ZNF600: variants seen among roughly 807,000 people sequenced by gnomAD.
ZNF600 encodes zinc finger protein 600, also known as zinc finger protein KR-ZNF1.
Under a neutral mutation model 7.3 loss-of-function variants are expected in ZNF600, and 4 were observed. That is an observed-to-expected ratio of 0.55 (90% CI 0.27 to 1.25). The LOEUF is 1.25. Ranked by LOEUF, ZNF600 falls within the 50% of genes most tolerant of loss-of-function variation. The pLI is 0.12. For synonymous variants in ZNF600, 290 were observed against 308.9 expected (o/e 0.94, Z 0.64); for missense variants, 911 against 922.1 (o/e 0.99, Z 0.16).
chr19:52,800,988 A>G, the ZNF600 span: 1 of 1,614,164 alleles, frequency 6.2e-7, no homozygotes, highest in East Asian at 2.2e-5. Flanking sequence ...GTGAAGGAAG[A>G]GGGATGTATT....
intron 3 of ZNF600, among the ~76,000 whole-genome samples, chr19:52,772,559 T>C: frequency 6.6e-6 from 1 of 152,098 alleles, no homozygotes; most frequent in East Asian, 1.9e-4. Flanking sequence ...ACTGAGATTG[T>C]GCCATTGCAC....
chr19:52,804,449 C>A, the ZNF600 span, among the ~76,000 whole-genome samples: 1 of 152,148 alleles, frequency 6.6e-6, no homozygotes, highest in South Asian at 2.1e-4. Context: ...TGGCGCACTG[C>A]AACCTCCACC....
At chr19:52,795,202 G>A in the ZNF600 span, among the ~76,000 whole-genome samples, 3 of 152,052 alleles carry the variant, frequency 2.0e-5, no homozygotes, top group African/African-American at 7.2e-5. Context: ...AAAGCTCACA[G>A]CTCACTATTT....
At chr19:52,814,517 C>T in the ZNF600 span, 4 of 146,024 alleles carry the variant, frequency 2.7e-5, no homozygotes, top group African/African-American at 1.1e-4. Context: ...TCACTTGAAC[C>T]TGGGAGGCAG....
chr19:52,780,809 T>C lies in ZNF600; in HGVS notation c.-19-1902A>G, dbSNP rs1421666288. Reference sequence around the variant, plus strand: ...ACGTATACATCTAAGTTTCTCTTTATATTATAAATTACAACACTTACAAAT... The same window carrying C: ...ACGTATACATCTAAGTTTCTCTTTACATTATAAATTACAACACTTACAAAT... On this transcript the variant is annotated intron_variant, in intron 1 of 3. The change creates a new upstream start codon in the 5' untranslated region. Transcript: ENST00000648973. 2 of 152,236 alleles carry C rather than the reference T, an allele frequency of 1.3e-5. No individual in the cohort carries two copies. The highest frequency in any genetic ancestry group is 2.9e-5 in the Non-Finnish European group (2 of 68,044). 9.4% of individuals were successfully genotyped at this position (152,236 alleles called of 1,614,324 possible). A position where few individuals can be genotyped will look rare whatever the true frequency, so the allele number is the denominator to read the frequency against.
At chr19:52,792,971 C>T in the ZNF600 span, among the ~76,000 whole-genome samples, 1 of 151,744 alleles carries the variant, frequency 6.6e-6, no homozygotes, top group Non-Finnish European at 1.5e-5. Flanking sequence ...CTCCTGACCT[C>T]GTGATCCACC....
chr19:52,786,588 C>T lies in ZNF600; in HGVS notation c.-20+7G>A, dbSNP rs1454126792. Reference sequence around the variant, plus strand: ...AACCCAAAAGCAAGCAACTTCCAGACTCTTACCGGGACGTCTCAATTTGCT... The same window carrying T: ...AACCCAAAAGCAAGCAACTTCCAGATTCTTACCGGGACGTCTCAATTTGCT... On this transcript the variant is annotated splice_region_variant and intron_variant, in intron 1 of 3. Coordinates refer to ENST00000648973, the Ensembl canonical transcript of ZNF600. 5.7e-6 allele frequency: 1 copy of T among 176,128 alleles called. No homozygotes were observed. The highest frequency in any genetic ancestry group is 2.3e-5 in the African/African-American group (1 of 42,878). 10.9% of individuals were successfully genotyped at this position (176,128 alleles called of 1,614,324 possible).
intron 1 of ZNF600, among the ~76,000 whole-genome samples, chr19:52,785,317 G>C (rs1163280934): frequency 6.6e-6 from 1 of 150,846 alleles, no homozygotes; most frequent in East Asian, 2.0e-4. Context: ...GTGCGATCTT[G>C]GCTCTCACCG....
chr19:52,776,485 C>G (rs1210711616), intron 2 of ZNF600, among the ~76,000 whole-genome samples: 1 of 151,642 alleles, frequency 6.6e-6, no homozygotes, highest in Non-Finnish European at 1.5e-5. Flanking sequence ...AATCTCAGCT[C>G]ACTGCAACCT....
the ZNF600 span, among the ~76,000 whole-genome samples, chr19:52,822,766 A>C: frequency 6.6e-6 from 1 of 152,148 alleles, no homozygotes; most frequent in Non-Finnish European, 1.5e-5. Context: ...CGTCTTTTTG[A>C]CAAGTGTGAG....
upstream of ZNF600, among the ~76,000 whole-genome samples, chr19:52,787,588 C>G (rs185690927): frequency 2.4e-4 from 37 of 151,160 alleles, no homozygotes; most frequent in East Asian, 2.0e-3. Flanking sequence ...ACCGGGCGCG[C>G]TGGCTCACAC....
chr19:52,785,484 G>A (rs1205149885), intron 1 of ZNF600, among the ~76,000 whole-genome samples: 2 of 151,654 alleles, frequency 1.3e-5, no homozygotes, highest in Non-Finnish European at 2.9e-5. Context: ...CCGGACCTCA[G>A]GTGATCCACC....
chr19:52,781,702 G>A (rs1348621105), intron 1 of ZNF600, among the ~76,000 whole-genome samples: 1 of 151,872 alleles, frequency 6.6e-6, no homozygotes, highest in African/African-American at 2.4e-5. Context: ...GGCAGAGGTT[G>A]CAGTGATCCA....
exon 2 of ZNF600, chr19:52,778,846 G>C: frequency 1.2e-6 from 2 of 1,607,126 alleles, no homozygotes; most frequent in Non-Finnish European, 1.7e-6. Flanking sequence ...GCCATGCCTG[G>C]CTCCTTTCCT....
At chr19:52,794,976 T>G in the ZNF600 span, among the ~76,000 whole-genome samples, 1 of 152,074 alleles carries the variant, frequency 6.6e-6, no homozygotes, top group East Asian at 1.9e-4. Flanking sequence ...AGAAAAATGA[T>G]TGTAATACGT....
At chr19:52,821,932 T>A in the ZNF600 span, among the ~76,000 whole-genome samples, 481 of 149,938 alleles carry the variant, frequency 3.2e-3, 2 homozygotes, top group African/African-American at 0.011. Flanking sequence ...AAAAAAATAA[T>A]AAAAAAAAAA....
intron 2 of ZNF600, 105 bp downstream of exon 4, chr19:52,778,721 C>T (rs1028823504): frequency 4.1e-5 from 59 of 1,452,662 alleles, no homozygotes; most frequent in Middle Eastern, 1.9e-4. Context: ...TGTGAGTGAA[C>T]GTGTCAGGCA....
At chr19:52,780,383 G>A (rs1003076618) in intron 1 of ZNF600, among the ~76,000 whole-genome samples, 198 bp downstream of exon 3, 1 of 152,112 alleles carries the variant, frequency 6.6e-6, no homozygotes, top group East Asian at 1.9e-4. Context: ...TTGCAGCTGA[G>A]GGGAAGAGAG....
At chr19:52,806,466 T>G in the ZNF600 span, among the ~76,000 whole-genome samples, 1 of 152,100 alleles carries the variant, frequency 6.6e-6, no homozygotes, top group Non-Finnish European at 1.5e-5. Context: ...AGTGCTGGGA[T>G]TACAGGTGTC....
Sources: allele counts gnomAD v4.1 joint callset (sites outside exome capture counted in the v4.1 genomes callset), GRCh38; gene constraint gnomAD v4.1.1; transcripts MANE v1.5; gene names NCBI Gene and HGNC (gene_info 2026-07-23, HGNC 2026-07-21).